Variants in CLMN observed in about 807,000 individuals in gnomAD.
CLMN encodes the protein calmin.
CLMN carries 57 observed loss-of-function variants against 92.7 expected under a neutral mutation model. That is an observed-to-expected ratio of 0.61 (90% CI 0.50 to 0.77). The LOEUF is 0.77. Among genes scored for constraint, CLMN ranks in the 30% least tolerant of loss-of-function variants. The pLI is 0.00. For synonymous variants in CLMN, 466 were observed against 470.6 expected (o/e 0.99, Z 0.13); for missense variants, 1,158 against 1,237.5 (o/e 0.94, Z 0.96).
intron 1 of CLMN, among the ~76,000 whole-genome samples, chr14:95,281,363 T>C (rs1900139284): frequency 6.6e-6 from 1 of 152,202 alleles, no homozygotes; most frequent in Non-Finnish European, 1.5e-5. Context: ...CCAAGTATAA[T>C]AAAACTAAAA....
chr14:95,213,359 C>A lies in CLMN; in HGVS notation c.468G>T (p.Leu156Phe). The change falls in exon 6 of 13, where the codon TTG becomes TTT. Residue 156 changes from leucine to phenylalanine, a missense_variant. Leu to Phe is a conservative substitution (Grantham distance 22). Transcript: ENST00000298912. Reference protein sequence around the residue: ...NLSRNSPSSSLSPGSGGTDSD... With the variant: ...NLSRNSPSSSFSPGSGGTDSD... Reference sequence around the variant, plus strand: ...AGTCTGTGCCCCCTGAGCCAGGGGACAAGCTGGAAGATGGAGAGTTTCTGC... The same window carrying A: ...AGTCTGTGCCCCCTGAGCCAGGGGAAAAGCTGGAAGATGGAGAGTTTCTGC... The A allele has an allele frequency of 1.2e-6, 2 of 1,612,854 alleles. No homozygotes were observed. The highest frequency in any genetic ancestry group is 1.7e-6 in the Non-Finnish European group (2 of 1,179,588).
chr14:95,245,095 T>C (rs147747989), intron 1 of CLMN, among the ~76,000 whole-genome samples: 37 of 106,720 alleles, frequency 3.5e-4, no homozygotes, highest in Middle Eastern at 5.2e-3. Flanking sequence ...ACATTCTCAC[T>C]CATTTGCTAA....
chr14:95,242,250 C>CTTTTTTTT (rs371417505), intron 1 of CLMN, among the ~76,000 whole-genome samples: 29 of 92,590 alleles, frequency 3.1e-4, no homozygotes, highest in Non-Finnish European at 4.2e-4. Flanking sequence ...TTTTCTTTTT[C>CTTTTTTTT]TTTTTTTTTT....
At chr14:95,198,471 C>T (rs1896786909) in intron 9 of CLMN, among the ~76,000 whole-genome samples, 1 of 152,146 alleles carries the variant, frequency 6.6e-6, no homozygotes, top group East Asian at 1.9e-4. Context: ...GCTGTACCCT[C>T]CCCCTACGCT....
intron 4 of CLMN, among the ~76,000 whole-genome samples, chr14:95,219,279 CAG>C (rs1897451047): frequency 6.6e-6 from 1 of 152,194 alleles, no homozygotes; most frequent in Admixed American, 6.5e-5. Context: ...GCTGACAGAG[CAG>C]GAGAGTATTT....
In CLMN at chr14:95,202,666, C is replaced by T. The variant is rs1313172163; in HGVS notation, c.2511+172G>A. On this transcript the variant is annotated intron_variant, in intron 9 of 12. Transcript: ENST00000298912. The stretch of plus-strand genomic sequence containing the variant: ...GGAGGTGCTCACTCTCAGGTGCCAA[C>T]CCTGCATTTGCCCGAGCCTCACAGT... Among the ~76,000 whole-genome samples the T allele has an allele frequency of 5.9e-5, 9 of 152,226 alleles. No homozygotes were observed. The East Asian group carries it at 1.7e-3, about 29-fold the overall frequency.
At chr14:95,227,036 G>A (rs1897733411) in intron 2 of CLMN, among the ~76,000 whole-genome samples, 1 of 152,110 alleles carries the variant, frequency 6.6e-6, no homozygotes, top group Non-Finnish European at 1.5e-5. Flanking sequence ...TAGGATTAAT[G>A]GGGCATGGAG....
chr14:95,304,150 C>A (rs1016981781), intron 1 of CLMN, among the ~76,000 whole-genome samples: 1 of 151,892 alleles, frequency 6.6e-6, no homozygotes, highest in South Asian at 2.1e-4. Flanking sequence ...CCAACCTGGG[C>A]AACATAGTGA....
intron 1 of CLMN, among the ~76,000 whole-genome samples, chr14:95,287,381 G>A (rs191585913): frequency 1.1e-3 from 174 of 152,292 alleles, no homozygotes; most frequent in African/African-American, 3.9e-3. Flanking sequence ...GCCTCAACCT[G>A]CCCGCCCTTC....
In CLMN at chr14:95,191,697, C is replaced by A. The variant is rs773058546; in HGVS notation, c.2876G>T (p.Gly959Val). ...GGAGTCACTCTGCGGGCTGTGGCTC[C>A]CCAGTGACATGGCTTCTCCTGAGCT... is the stretch of plus-strand genomic sequence containing the variant. ...ANSSGEAMSL[G>V]SHSPQSDSLT... is the part of the protein sequence containing the mutation. The change falls in exon 13 of 13, where the codon GGG becomes GTG. Residue 959 changes from glycine to valine, a missense_variant. Gly to Val is a moderately radical substitution (Grantham distance 109). Transcript: ENST00000298912. This position sits in a 1 kb window ranked among gnomAD's most constrained non-coding sequence, Gnocchi z 5.3. 6.2e-7 allele frequency: 1 copy of A among 1,612,312 alleles called. No individual in the cohort carries two copies. Among genetic ancestry groups the A allele is most frequent in the South Asian group, 1.1e-5 (1 of 90,970 alleles).
intron 1 of CLMN, among the ~76,000 whole-genome samples, chr14:95,308,285 G>T (rs538903561): frequency 6.6e-6 from 1 of 152,222 alleles, no homozygotes; most frequent in Non-Finnish European, 1.5e-5. Flanking sequence ...ATAAGGCTCA[G>T]CAGCAAAGCT....
intron 7 of CLMN, among the ~76,000 whole-genome samples, chr14:95,210,131 C>A (rs932860820): frequency 6.6e-6 from 1 of 152,148 alleles, no homozygotes; most frequent in Non-Finnish European, 1.5e-5. Context: ...CAGCTCACTG[C>A]AACTTCCACC....
chr14:95,250,599 G>A (rs1344085134), intron 1 of CLMN, among the ~76,000 whole-genome samples: 1 of 152,214 alleles, frequency 6.6e-6, no homozygotes, highest in African/African-American at 2.4e-5. Context: ...TTCACAAAAA[G>A]CCATGCAGTG....
Position 95,202,899 on chromosome 14 carries a change from G to T in CLMN, c.2450C>A (p.Ala817Asp). Residue 817 changes from alanine (A) to aspartate (D), a missense_variant, in exon 9 of 13, where the codon GCC (alanine) becomes GAC (aspartate). By Grantham distance (126) the Ala-to-Asp change is moderately radical (BLOSUM62 -2). Transcript: ENST00000298912. Reference protein sequence around the residue: ...TTPASEPAPLAPHEDHQQRET... With the variant: ...TTPASEPAPLDPHEDHQQRET... ...CCTTTGCTGGTGGTCCTCATGGGGGGCCAGTGGAGCGGGTTCTGAGGCTGG... is the reference window on the plus strand; with the variant it reads ...CCTTTGCTGGTGGTCCTCATGGGGGTCCAGTGGAGCGGGTTCTGAGGCTGG... The T allele has an allele frequency of 2.5e-6, 4 of 1,582,420 alleles. No individual in the cohort carries two copies. The highest frequency in any genetic ancestry group is 3.4e-6 in the Non-Finnish European group (4 of 1,168,434).
At chr14:95,257,580 A>G (rs1259550850) in intron 1 of CLMN, among the ~76,000 whole-genome samples, 1 of 152,260 alleles carries the variant, frequency 6.6e-6, no homozygotes, top group Non-Finnish European at 1.5e-5. Context: ...AGTGGGCTAA[A>G]GGTGCTCAGG....
At chr14:95,224,409 A>G (rs1434206277) in intron 2 of CLMN, among the ~76,000 whole-genome samples, 1 of 151,926 alleles carries the variant, frequency 6.6e-6, no homozygotes, top group African/African-American at 2.4e-5. Flanking sequence ...CCGCCTCTCG[A>G]GGAGCTGGGA....
In CLMN at chr14:95,196,550, G is replaced by A; in HGVS notation, c.2656C>T (p.Gln886Ter). ...SSLFVAPGSV[Q>*]SSDDLEEDSS... The stretch of plus-strand genomic sequence containing the variant: ...TCTTCTTCTAGGTCATCTGAGGATT[G>A]AACACTTCCTGGTGCTACAAATAGT... The change falls in exon 10 of 13, where the codon CAA becomes TAA. Residue 886 changes from glutamine (Q) to a stop codon, truncating the protein, a stop_gained. Coordinates refer to ENST00000298912, the MANE Select transcript of CLMN (RefSeq NM_024734.4). LOFTEE classifies it high-confidence loss of function. 1 of 1,614,162 alleles carries A rather than the reference G, an allele frequency of 6.2e-7. No individual in the cohort carries two copies. The highest frequency in any genetic ancestry group is 2.2e-5 in the East Asian group (1 of 44,888).
chr14:95,228,412 C>T (rs1264219047), intron 2 of CLMN, among the ~76,000 whole-genome samples: 2 of 152,168 alleles, frequency 1.3e-5, no homozygotes, highest in African/African-American at 2.4e-5. Flanking sequence ...ATCTTTCACC[C>T]GTAGAGTTCA....
At chr14:95,304,889 A>G (rs1254254860) in intron 1 of CLMN, among the ~76,000 whole-genome samples, 1 of 152,056 alleles carries the variant, frequency 6.6e-6, no homozygotes, top group East Asian at 1.9e-4. Flanking sequence ...ACCTAAAGAT[A>G]CTGGCATGGG....
Sources: allele counts gnomAD v4.1 joint callset (sites outside exome capture counted in the v4.1 genomes callset), GRCh38; gene constraint gnomAD v4.1.1; non-coding constraint Gnocchi (gnomAD v3.1); transcripts MANE v1.5; gene names NCBI Gene and HGNC (gene_info 2026-07-23, HGNC 2026-07-21).